The following PDPK1 variants were observed in gnomAD, a reference collection of about 807,000 sequenced individuals.
PDPK1 encodes 3-phosphoinositide-dependent protein kinase 1.
In PDPK1, 7 loss-of-function variants were observed where a neutral mutation model predicts 39.8. The observed-to-expected ratio is 0.18, with a 90% CI of 0.10 to 0.33. PDPK1 has a LOEUF of 0.33. Ranked by LOEUF, PDPK1 falls within the 10% of genes least tolerant of loss-of-function variation. The probability of loss-of-function intolerance (pLI) is 1.00; values close to 1 mark genes in which losing one functional copy is unlikely to be tolerated. For synonymous variants in PDPK1, 118 were observed against 159.1 expected, an observed-to-expected ratio of 0.74 and a Z score of 1.95; for missense variants, 182 against 384.7, an observed-to-expected ratio of 0.47 and a Z score of 4.41.
rs772310426 is a variant in PDPK1, at chr16:2,545,684, G to A, written c.24+7548G>A. On this transcript the variant is annotated intron_variant, in intron 1 of 13. Coordinates refer to ENST00000342085, the MANE Select transcript of PDPK1 (RefSeq NM_002613.5). Reference sequence around the variant, plus strand: ...TAATTTTTATATTTTCAGTAGAGACGGCGTTTTACCATCTTGGCTAGGCTG... The same window carrying A: ...TAATTTTTATATTTTCAGTAGAGACAGCGTTTTACCATCTTGGCTAGGCTG... Among the ~76,000 whole-genome samples, 9 of 152,088 alleles carry A rather than the reference G, an allele frequency of 5.9e-5. 1 individual carries two copies. Among genetic ancestry groups the A allele is most frequent in the East Asian group, 1.9e-4 (1 of 5,198 alleles).
Position 2,599,842 on chromosome 16 carries a change from C to T in PDPK1, c.*2075C>T, listed in dbSNP as rs1178866515. On this transcript the variant is annotated 3_prime_UTR_variant, in exon 14 of 14. Transcript: ENST00000342085. ...CAGGGACGTGGCTTTAATTGGAGCA[C>T]TCGGCTGGGCTGCTTGGGGAGACTC... 4.3e-6 allele frequency: 1 copy of T among 233,832 alleles called. No individual in the cohort carries two copies. Among genetic ancestry groups the T allele is most frequent in the South Asian group, 1.8e-4 (1 of 5,538 alleles). 14.5% of individuals were successfully genotyped at this position (233,832 alleles called of 1,614,324 possible). A position where few individuals can be genotyped will look rare whatever the true frequency, so the allele number is the denominator to read the frequency against.
intron 10 of PDPK1, among the ~76,000 whole-genome samples, chr16:2,585,044 C>T (rs1413654841): frequency 1.3e-5 from 2 of 152,342 alleles, no homozygotes; most frequent in South Asian, 2.1e-4. Context: ...GCTCTGTGCT[C>T]CATTGCTCCC....
At chr16:2,592,801 G>T (rs746348731) in intron 11 of PDPK1, 4 of 455,978 alleles carry the variant, frequency 8.8e-6, no homozygotes, top group South Asian at 3.1e-5. Context: ...AGCTTTGCCC[G>T]CAGTCTCTGT....
At chr16:2,594,293 C>A (rs555212064) in intron 11 of PDPK1, 1 of 152,408 alleles carries the variant, frequency 6.6e-6, no homozygotes, top group Admixed American at 6.5e-5. Context: ...GCCTGTAATC[C>A]CAGCACTTTG....
In PDPK1 at chr16:2,538,142, C is replaced by A. The variant is rs1307542105; in HGVS notation, c.24+6C>A. 1.9e-6 allele frequency: 2 copies of A among 1,060,452 alleles called. No homozygotes were observed. Among genetic ancestry groups the A allele is most frequent in the Non-Finnish European group, 2.3e-6 (2 of 878,040 alleles). The allele number at this position is 1,060,452 out of a possible 1,614,324, so 65.7% of individuals were successfully genotyped here. On this transcript the variant is annotated splice_donor_region_variant and intron_variant, in intron 1 of 13. Transcript: ENST00000342085. ...CCAGGACCACCAGCCAGCTGGTGAG[C>A]GCGCGGCGGCGGACTGGACGCGCCG...
At chr16:2,586,992 A>C (rs2141993950) in intron 11 of PDPK1, 99 bp downstream of exon 11, 2 of 1,024,066 alleles carry the variant, frequency 2.0e-6, no homozygotes, top group South Asian at 2.7e-5. Context: ...TGCCTCCCTC[A>C]GCAGCCTTGG....
chr16:2,597,386 G>C lies in PDPK1; in HGVS notation c.1554+111G>C. Reference sequence around the variant, plus strand: ...GGGAGCAGCGGGGATCGGGGCAGCTGCCTCGCCCTTTCCGACATCCCAGAC... The same window carrying C: ...GGGAGCAGCGGGGATCGGGGCAGCTCCCTCGCCCTTTCCGACATCCCAGAC... On this transcript the variant is annotated intron_variant, in intron 13 of 13. Transcript: ENST00000342085. This position sits in a 1 kb window ranked among gnomAD's most constrained non-coding sequence, Gnocchi z 6.3. 5 of 1,002,832 alleles carry C rather than the reference G, an allele frequency of 5.0e-6. No homozygotes were observed. The highest frequency in any genetic ancestry group is 7.5e-6 in the Non-Finnish European group (5 of 669,854). The allele number at this position is 1,002,832 out of a possible 1,614,324, so 62.1% of individuals were successfully genotyped here. A position where few individuals can be genotyped will look rare whatever the true frequency, so the allele number is the denominator to read the frequency against.
Position 2,538,101 on chromosome 16 carries a change from G to A in PDPK1, c.-12G>A, listed in dbSNP as rs892801361. 1.4e-5 allele frequency: 15 copies of A among 1,060,984 alleles called. No individual in the cohort carries two copies. In the African/African-American group the frequency reaches 2.4e-4, roughly 17 times the overall value. The allele number at this position is 1,060,984 out of a possible 1,614,324, so 65.7% of individuals were successfully genotyped here. ...GCGCTGCGGGGGAGGCGCCCGCGCC[G>A]ACGCGGGGCCCATGGCCAGGACCAC... On this transcript the variant is annotated 5_prime_UTR_variant, in exon 1 of 14. Coordinates refer to ENST00000342085, the MANE Select transcript of PDPK1 (RefSeq NM_002613.5).
chr16:2,538,834 A>G (rs2066187869), intron 1 of PDPK1: 2 of 1,134,664 alleles, frequency 1.8e-6, no homozygotes, highest in Non-Finnish European at 2.3e-6. Flanking sequence ...GTTTTGCTAA[A>G]AGTGTCGCTG....
intron 7 of PDPK1, among the ~76,000 whole-genome samples, chr16:2,580,379 C>T (rs2066802705): frequency 6.8e-6 from 1 of 146,480 alleles, no homozygotes; most frequent in Non-Finnish European, 1.5e-5. Flanking sequence ...GCCCTGTTCT[C>T]CCTCTAGTGG....
intron 11 of PDPK1, chr16:2,592,974 T>C (rs1423980510): frequency 2.2e-6 from 1 of 456,634 alleles, no homozygotes; most frequent in African/African-American, 2.0e-5. Flanking sequence ...TCAGTGTCCC[T>C]GGCATGGGTG....
At chr16:2,541,269 T>A (rs62040720) in intron 1 of PDPK1, among the ~76,000 whole-genome samples, 6,094 of 151,824 alleles carry the variant, frequency 0.04, 177 homozygotes, top group Non-Finnish European at 0.061. Flanking sequence ...AAACAGGGAG[T>A]GTTCCTTTTT....
rs1209878178 is a variant in PDPK1 at position 2,593,135 on chromosome 16, C to T, written c.1344-2658C>T. ...CTGCAGGTGCCGAGCGGGAGCACCA[C>T]TCCTGCACGCCCGTGCCTGTGGCAT... is the stretch of plus-strand genomic sequence containing the variant. On this transcript the variant is annotated intron_variant, in intron 11 of 13. Coordinates refer to ENST00000342085, the MANE Select transcript of PDPK1 (RefSeq NM_002613.5). This position sits in a 1 kb window ranked among gnomAD's most constrained non-coding sequence, Gnocchi z 4.2. The T allele has an allele frequency of 2.2e-6, 1 of 454,880 alleles. No homozygotes were observed. Among genetic ancestry groups the T allele is most frequent in the Non-Finnish European group, 4.4e-6 (1 of 226,892 alleles). 28.2% of individuals were successfully genotyped at this position (454,880 alleles called of 1,614,324 possible). A position where few individuals can be genotyped will look rare whatever the true frequency, so the allele number is the denominator to read the frequency against.
chr16:2,553,355 T>C (rs1203585775), intron 1 of PDPK1, among the ~76,000 whole-genome samples: 4 of 142,028 alleles, frequency 2.8e-5, no homozygotes, highest in African/African-American at 1.1e-4. Flanking sequence ...TTTTTTTAAT[T>C]TCTTTTTTAA....
rs1481623827 is a variant in PDPK1, at chr16:2,598,731, G to T, written c.*964G>T. ...CCTCCTAAAAGGTTTAAATGTCCAC[G>T]CCTCTCCAGTTGCTGAAGTAGGGTC... On this transcript the variant is annotated 3_prime_UTR_variant, in exon 14 of 14. Coordinates refer to ENST00000342085, the MANE Select transcript of PDPK1 (RefSeq NM_002613.5). The T allele has an allele frequency of 1.7e-5, 4 of 233,152 alleles. No homozygotes were observed. Among genetic ancestry groups the T allele is most frequent in the Non-Finnish European group, 3.4e-5 (4 of 118,070 alleles). The allele number at this position is 233,152 out of a possible 1,614,324, so 14.4% of individuals were successfully genotyped here.
rs187543589 is a variant in PDPK1 at position 2,601,933 on chromosome 16, G to A, written c.*4166G>A. 8 of 232,646 alleles carry A rather than the reference G, an allele frequency of 3.4e-5. No homozygotes were observed. Among genetic ancestry groups the A allele is most frequent in the Admixed American group, 5.6e-5 (1 of 17,730 alleles). 14.4% of individuals were successfully genotyped at this position (232,646 alleles called of 1,614,324 possible). A position where few individuals can be genotyped will look rare whatever the true frequency, so the allele number is the denominator to read the frequency against. On this transcript the variant is annotated 3_prime_UTR_variant, in exon 14 of 14. Transcript: ENST00000342085. The stretch of plus-strand genomic sequence containing the variant: ...GGGTCCATTGATTGTGCAGGGGAAC[G>A]TGCAGGAGGTTTTTCTAGGCACCGT...
chr16:2,600,466 T>G lies in PDPK1; in HGVS notation c.*2699T>G, dbSNP rs2067195333. On this transcript the variant is annotated 3_prime_UTR_variant, in exon 14 of 14. Transcript: ENST00000342085. ...GCTTCTGAGGGATTCCTTTCTCCCC[T>G]CTTTGTGTGGCCCCAGCCAGGGCGG... 1 of 230,100 alleles carries G rather than the reference T, an allele frequency of 4.3e-6. No homozygotes were observed. Among genetic ancestry groups the G allele is most frequent in the East Asian group, 6.1e-5 (1 of 16,358 alleles). The allele number at this position is 230,100 out of a possible 1,614,324, so 14.3% of individuals were successfully genotyped here. A position where few individuals can be genotyped will look rare whatever the true frequency, so the allele number is the denominator to read the frequency against.
chr16:2,588,503 C>T (rs185244630), intron 11 of PDPK1, among the ~76,000 whole-genome samples: 1 of 152,260 alleles, frequency 6.6e-6, no homozygotes, highest in Admixed American at 6.5e-5. Flanking sequence ...TGTTTCAGCT[C>T]CTTTGGTGAC....
In PDPK1 at chr16:2,597,782, G is replaced by C; in HGVS notation, c.*15G>C. On this transcript the variant is annotated 3_prime_UTR_variant, in exon 14 of 14. Transcript: ENST00000342085. This position sits in a 1 kb window ranked among gnomAD's most constrained non-coding sequence, Gnocchi z 6.3. ...CTGTGCAGTGACGTGGCCTGCGGCC[G>C]GGCTGCCCTTCGCTGCCAGGACACC... is the stretch of plus-strand genomic sequence containing the variant. The C allele has an allele frequency of 6.3e-7, 1 of 1,577,146 alleles. No homozygotes were observed. The highest frequency in any genetic ancestry group is 1.3e-5 in the African/African-American group (1 of 74,382).
Sources: gnomAD v4.1 joint callset for allele counts (sites outside exome capture counted in the v4.1 genomes callset) on GRCh38, gnomAD v4.1.1 for gene constraint, Gnocchi (gnomAD v3.1) non-coding constraint, MANE v1.5 for transcripts, NCBI Gene and HGNC (gene_info 2026-07-23, HGNC 2026-07-21) for gene names.